STXBP5L: variants seen among roughly 807,000 people sequenced by gnomAD.
The protein encoded by STXBP5L is syntaxin binding protein 5L.
STXBP5L carries 65 observed loss-of-function variants against 144.5 expected under a neutral mutation model. The observed-to-expected ratio is 0.45, with a 90% CI of 0.37 to 0.55. The LOEUF is 0.55. Ranked by LOEUF, STXBP5L falls within the 20% of genes least tolerant of loss-of-function variation. STXBP5L has a pLI of 0.00. For missense variants in STXBP5L, 1,298 were observed against 1,405.5 expected, an observed-to-expected ratio of 0.92 and a Z score of 1.22; for synonymous variants, 505 against 469.6, an observed-to-expected ratio of 1.08 and a Z score of -0.97.
intron 3 of STXBP5L, among the ~76,000 whole-genome samples, chr3:120,988,603 A>T (rs543995482): frequency 6.6e-6 from 1 of 152,166 alleles, no homozygotes; most frequent in South Asian, 2.1e-4. Flanking sequence ...AATATTCTAT[A>T]TTTGTCAAAT....
At chr3:121,299,332 G>C (rs142127444) in intron 19 of STXBP5L, among the ~76,000 whole-genome samples, 1 of 152,188 alleles carries the variant, frequency 6.6e-6, no homozygotes, top group African/African-American at 2.4e-5. Context: ...GAGGATAAAG[G>C]TTTCATATTC....
intron 7 of STXBP5L, among the ~76,000 whole-genome samples, chr3:121,148,529 A>G (rs1057471946): frequency 6.6e-6 from 1 of 152,184 alleles, no homozygotes; most frequent in East Asian, 1.9e-4. Flanking sequence ...ATCCTCCTTA[A>G]TGATGAATTA....
chr3:120,911,673 T>C (rs1708848959), intron 2 of STXBP5L, among the ~76,000 whole-genome samples: 2 of 152,098 alleles, frequency 1.3e-5, no homozygotes, highest in African/African-American at 4.8e-5. Context: ...GTTATAATAA[T>C]ATTAGCTTAT....
chr3:121,020,850 G>GAAAAA (rs60522434), intron 3 of STXBP5L, among the ~76,000 whole-genome samples: 1 of 143,160 alleles, frequency 7.0e-6, no homozygotes, highest in African/African-American at 2.5e-5. Flanking sequence ...ACAATACAAT[G>GAAAAA]AAAAAAAAAA....
chr3:121,069,465 G>A (rs1227251089), intron 5 of STXBP5L, among the ~76,000 whole-genome samples: 2 of 152,040 alleles, frequency 1.3e-5, no homozygotes, highest in Non-Finnish European at 1.5e-5. Context: ...TTGTGTGCAA[G>A]TATGTTTGTG....
intron 10 of STXBP5L, among the ~76,000 whole-genome samples, chr3:121,222,133 G>A (rs1241692670): frequency 1.3e-5 from 2 of 151,918 alleles, no homozygotes; most frequent in Admixed American, 6.6e-5. Flanking sequence ...TTTCAATTTG[G>A]TATTTACTTC....
intron 9 of STXBP5L, among the ~76,000 whole-genome samples, chr3:121,165,075 AC>A (rs964976767): frequency 2.0e-5 from 3 of 152,196 alleles, no homozygotes; most frequent in African/African-American, 4.8e-5. Flanking sequence ...GGATATGTTA[AC>A]TTGCCTCACT....
At chr3:121,290,142 T>G (rs1179564112) in intron 19 of STXBP5L, among the ~76,000 whole-genome samples, 1 of 151,832 alleles carries the variant, frequency 6.6e-6, no homozygotes, top group East Asian at 1.9e-4. Flanking sequence ...TTAACAAAAT[T>G]GACAGAACAT....
intron 11 of STXBP5L, among the ~76,000 whole-genome samples, chr3:121,228,907 A>G (rs1363936645): frequency 1.3e-5 from 2 of 152,152 alleles, no homozygotes; most frequent in Admixed American, 6.6e-5. Context: ...AAAAGAAAGG[A>G]AACCTTTGTT....
chr3:121,181,309 T>A (rs1204772070), intron 9 of STXBP5L, among the ~76,000 whole-genome samples: 2 of 147,982 alleles, frequency 1.4e-5, no homozygotes, highest in Non-Finnish European at 3.0e-5. Context: ...AGAGTGAAAC[T>A]CCATCAAGAA....
intron 9 of STXBP5L, among the ~76,000 whole-genome samples, chr3:121,180,193 A>G (rs903329516): frequency 2.0e-5 from 3 of 152,212 alleles, no homozygotes; most frequent in African/African-American, 7.2e-5. Context: ...AGACAAAAGT[A>G]TCAGGTAACC....
intron 3 of STXBP5L, among the ~76,000 whole-genome samples, chr3:121,032,184 G>A (rs1274133491): frequency 6.6e-6 from 1 of 150,804 alleles, no homozygotes; most frequent in Non-Finnish European, 1.5e-5. Context: ...GTCTAGAAAA[G>A]AATGTAGGAA....
At chr3:121,093,830 C>G (rs1267646203) in intron 5 of STXBP5L, among the ~76,000 whole-genome samples, 2 of 152,074 alleles carry the variant, frequency 1.3e-5, no homozygotes, top group South Asian at 4.1e-4. Flanking sequence ...AATGTGTTTG[C>G]TCTTTCTTTT....
At chr3:121,030,886 A>G (rs1946319868) in intron 3 of STXBP5L, among the ~76,000 whole-genome samples, 1 of 152,116 alleles carries the variant, frequency 6.6e-6, no homozygotes, top group Non-Finnish European at 1.5e-5. Flanking sequence ...TCAAAAAAGA[A>G]AGGGAGTTTA....
chr3:121,351,410 A>T (rs193197274), intron 20 of STXBP5L, among the ~76,000 whole-genome samples: 9 of 152,144 alleles, frequency 5.9e-5, no homozygotes, highest in Non-Finnish European at 1.3e-4. Flanking sequence ...GGGGTTAGGG[A>T]CCCACTTGAG....
intron 7 of STXBP5L, among the ~76,000 whole-genome samples, chr3:121,140,003 T>C (rs374367309): frequency 1.5e-4 from 23 of 152,192 alleles, no homozygotes; most frequent in African/African-American, 5.5e-4. Flanking sequence ...GACATGTATA[T>C]GCACATGTGG....
chr3:121,174,026 C>T (rs1255609813), intron 9 of STXBP5L, among the ~76,000 whole-genome samples: 3 of 152,068 alleles, frequency 2.0e-5, no homozygotes, highest in East Asian at 1.9e-4. Context: ...ACTGCTCATA[C>T]TGAGATGACT....
intron 3 of STXBP5L, among the ~76,000 whole-genome samples, chr3:120,977,721 C>G (rs565602025): frequency 1.3e-5 from 2 of 152,228 alleles, no homozygotes; most frequent in Non-Finnish European, 2.9e-5. Context: ...CCTTCAGGAG[C>G]TCTTTTAGGG....
chr3:121,052,434 G>T (rs549704780), intron 5 of STXBP5L, among the ~76,000 whole-genome samples: 15 of 152,262 alleles, frequency 9.9e-5, no homozygotes, highest in African/African-American at 2.9e-4. Flanking sequence ...TGGAAGGCTG[G>T]TTCAATATAC....
Sources: gnomAD v4.1 joint callset for allele counts (sites outside exome capture counted in the v4.1 genomes callset) on GRCh38, gnomAD v4.1.1 for gene constraint, MANE v1.5 for transcripts, NCBI Gene and HGNC (gene_info 2026-07-23, HGNC 2026-07-21) for gene names.